The following GRK5 variants were observed in gnomAD, a reference collection of about 807,000 sequenced individuals.
GRK5 encodes G protein-coupled receptor kinase 5.
In GRK5, 40 loss-of-function variants were observed where a neutral mutation model predicts 78.4. That is an observed-to-expected ratio of 0.51 (90% CI 0.40 to 0.66). The LOEUF is 0.66. Among genes scored for constraint, GRK5 ranks in the 30% least tolerant of loss-of-function variants. The probability of loss-of-function intolerance (pLI) is 0.00; values close to 1 mark genes in which losing one functional copy is unlikely to be tolerated. For synonymous variants in GRK5, 289 were observed against 296.8 expected, an observed-to-expected ratio of 0.97 and a Z score of 0.27; for missense variants, 598 against 759.9, an observed-to-expected ratio of 0.79 and a Z score of 2.50.
chr10:119,345,094 G>A (rs1014353963), intron 2 of GRK5, among the ~76,000 whole-genome samples: 4 of 151,978 alleles, frequency 2.6e-5, no homozygotes, highest in Middle Eastern at 3.4e-3. Context: ...TCAGCCTCCC[G>A]AGTAGCTGAG....
At chr10:119,296,659 G>A (rs1850087504) in intron 1 of GRK5, among the ~76,000 whole-genome samples, 1 of 152,224 alleles carries the variant, frequency 6.6e-6, no homozygotes, top group Non-Finnish European at 1.5e-5. Flanking sequence ...TCCCATGGCT[G>A]ACAGACTCTG....
At chr10:119,363,294 A>G (rs1851395094) in intron 2 of GRK5, among the ~76,000 whole-genome samples, 1 of 151,440 alleles carries the variant, frequency 6.6e-6, no homozygotes, top group South Asian at 2.1e-4. Flanking sequence ...AAAAAAAAAA[A>G]CAACAAACAG....
intron 2 of GRK5, among the ~76,000 whole-genome samples, chr10:119,377,704 TG>T (rs1851647240): frequency 6.6e-6 from 1 of 152,022 alleles, no homozygotes; most frequent in African/African-American, 2.4e-5. Context: ...AAATGCCATA[TG>T]GAGAGAAAAA....
Position 119,207,894 on chromosome 10 carries a change from T to C in GRK5, c.-24T>C. Reference sequence around the variant, plus strand: ...GGCGCTGACAGCCCCGCCGGCCGGCTCCGTTGCTGACCGCCGACTGTCAAT... The same window carrying C: ...GGCGCTGACAGCCCCGCCGGCCGGCCCCGTTGCTGACCGCCGACTGTCAAT... On this transcript the variant is annotated 5_prime_UTR_variant, in exon 1 of 16. Coordinates refer to ENST00000392870, the MANE Select transcript of GRK5 (RefSeq NM_005308.3). 1 of 1,590,034 alleles carries C rather than the reference T, an allele frequency of 6.3e-7. No homozygotes were observed. Among genetic ancestry groups the C allele is most frequent in the Non-Finnish European group, 8.5e-7 (1 of 1,170,456 alleles).
At position 119,383,310 on chromosome 10, in the gene GRK5, G is replaced by A. The variant is rs117341141; in HGVS notation, c.261+2383G>A. Reference sequence around the variant, plus strand: ...GTTTTTGCAGGGTGGAGTGGGATTCGACTTCCTCAGTGGTTTCATGTTCTT... The same window carrying A: ...GTTTTTGCAGGGTGGAGTGGGATTCAACTTCCTCAGTGGTTTCATGTTCTT... On this transcript the variant is annotated intron_variant, in intron 3 of 15. Coordinates refer to ENST00000392870, the MANE Select transcript of GRK5 (RefSeq NM_005308.3). 6.8e-3 allele frequency among the ~76,000 whole-genome samples: 1,031 copies of A among 152,318 alleles called. 5 individuals are homozygous for A. Among genetic ancestry groups the A allele is most frequent in the Non-Finnish European group, 6.9e-3 (466 of 68,024 alleles).
intron 1 of GRK5, among the ~76,000 whole-genome samples, chr10:119,303,358 G>T (rs951214020): frequency 6.6e-6 from 1 of 152,170 alleles, no homozygotes; most frequent in Non-Finnish European, 1.5e-5. Flanking sequence ...CCTTAGATGG[G>T]GCCTGGGGAG....
chr10:119,248,147 G>A (rs1849143810), intron 1 of GRK5, among the ~76,000 whole-genome samples: 1 of 152,114 alleles, frequency 6.6e-6, no homozygotes, highest in African/African-American at 2.4e-5. Flanking sequence ...AAGGAGCTGG[G>A]ACTATAGGCA....
At chr10:119,436,988 A>G (rs1852933862) in intron 9 of GRK5, 147 bp downstream of exon 9, 1 of 764,238 alleles carries the variant, frequency 1.3e-6, no homozygotes, top group African/African-American at 1.8e-5. Context: ...CAGACTTTCC[A>G]CTCCAGGAAG....
At chr10:119,306,361 G>A (rs1850272077) in intron 1 of GRK5, among the ~76,000 whole-genome samples, 1 of 152,200 alleles carries the variant, frequency 6.6e-6, no homozygotes, top group Non-Finnish European at 1.5e-5. Flanking sequence ...GTGCCTGGAT[G>A]AGCAAGCTTC....
intron 4 of GRK5, among the ~76,000 whole-genome samples, chr10:119,418,546 G>A (rs533884314): frequency 1.3e-5 from 2 of 152,234 alleles, no homozygotes; most frequent in East Asian, 1.9e-4. Flanking sequence ...CCTGCTCAGG[G>A]ATAGCTGGGT....
chr10:119,261,038 ACC>A (rs59081445), intron 1 of GRK5, among the ~76,000 whole-genome samples: 5 of 6,302 alleles, frequency 7.9e-4, no homozygotes, highest in Non-Finnish European at 2.0e-3. Context: ...CAGGGGGCTG[ACC>A]CCCCCACCTC....
At chr10:119,212,722 TC>T (rs1354582190) in intron 1 of GRK5, 1 of 152,224 alleles carries the variant, frequency 6.6e-6, no homozygotes, top group Non-Finnish European at 1.5e-5. Flanking sequence ...TTGTCATAGG[TC>T]ATGCAACTCA....
intron 1 of GRK5, among the ~76,000 whole-genome samples, chr10:119,245,380 T>A (rs1849091259): frequency 6.6e-6 from 1 of 152,068 alleles, no homozygotes; most frequent in African/African-American, 2.4e-5. Flanking sequence ...AACCTCAAAG[T>A]CTATAGGTAA....
intron 1 of GRK5, among the ~76,000 whole-genome samples, chr10:119,300,139 C>T (rs1191054076): frequency 6.6e-6 from 1 of 152,128 alleles, no homozygotes; most frequent in East Asian, 1.9e-4. Flanking sequence ...GAAAAATGCG[C>T]TGCTGAGTGG....
At chr10:119,331,125 AC>A (rs1309714241) in intron 2 of GRK5, among the ~76,000 whole-genome samples, 1 of 147,400 alleles carries the variant, frequency 6.8e-6, no homozygotes, top group Non-Finnish European at 1.5e-5. Context: ...TCCATGGACC[AC>A]CCCCCCGCCG....
chr10:119,312,380 G>A (rs1298158697), intron 1 of GRK5, among the ~76,000 whole-genome samples: 6 of 152,234 alleles, frequency 3.9e-5, no homozygotes, highest in Non-Finnish European at 8.8e-5. Context: ...CCAAGGAGCA[G>A]GAGGAGGGTT....
chr10:119,418,311 G>A (rs1852504086), intron 4 of GRK5, among the ~76,000 whole-genome samples: 1 of 152,186 alleles, frequency 6.6e-6, no homozygotes, highest in Non-Finnish European at 1.5e-5. Flanking sequence ...CTTCAGGGGG[G>A]ACCAGAAGGG....
intron 1 of GRK5, among the ~76,000 whole-genome samples, chr10:119,250,559 C>T (rs911257230): frequency 7.3e-6 from 1 of 137,588 alleles, no homozygotes; most frequent in African/African-American, 2.7e-5. Context: ...CACTTTGTTG[C>T]CCAGGTCTTG....
Position 119,207,745 on chromosome 10 carries a change from AG to A in GRK5, c.-172del, listed in dbSNP as rs1848409008. The stretch of plus-strand genomic sequence containing the variant: ...GGCGGCGGCGGCGGCTCCTCTTTGC[AG>A]AGGGGGAAACTCTTGGGCTGAGAGC... On this transcript the variant is annotated 5_prime_UTR_variant, in exon 1 of 16. Coordinates refer to ENST00000392870, the MANE Select transcript of GRK5 (RefSeq NM_005308.3). The A allele has an allele frequency of 1.7e-6, 1 of 577,888 alleles. No individual in the cohort carries two copies. The highest frequency in any genetic ancestry group is 2.1e-5 in the African/African-American group (1 of 48,218). 35.8% of individuals were successfully genotyped at this position (577,888 alleles called of 1,614,324 possible). A position where few individuals can be genotyped will look rare whatever the true frequency, so the allele number is the denominator to read the frequency against.
Sources: gnomAD v4.1 joint callset for allele counts (sites outside exome capture counted in the v4.1 genomes callset) on GRCh38, gnomAD v4.1.1 for gene constraint, MANE v1.5 for transcripts, NCBI Gene and HGNC (gene_info 2026-07-23, HGNC 2026-07-21) for gene names.